The following KCNH5 variants were observed in gnomAD, a reference collection of about 807,000 sequenced individuals.
KCNH5 encodes potassium voltage-gated channel subfamily H member 5.
A neutral mutation model predicts 96.1 loss-of-function variants in KCNH5; 46 were observed. The observed-to-expected ratio is 0.48, with a 90% CI of 0.38 to 0.61. The LOEUF is 0.61. KCNH5 is among the 20% of genes least tolerant of loss of function. KCNH5 has a pLI of 0.00. For missense variants in KCNH5, 907 were observed against 1,225.8 expected (o/e 0.74, Z 3.88); for synonymous variants, 439 against 449.8 (o/e 0.98, Z 0.30).
chr14:63,032,153 C>T (rs769147336), intron 1 of KCNH5, among the ~76,000 whole-genome samples: 4 of 151,214 alleles, frequency 2.6e-5, no homozygotes, highest in South Asian at 2.1e-4. Context: ...AGATCCAGGA[C>T]GGCATGTGAA....
intron 7 of KCNH5, among the ~76,000 whole-genome samples, chr14:62,932,549 A>G (rs1318204262): frequency 6.6e-6 from 1 of 152,028 alleles, no homozygotes; most frequent in Non-Finnish European, 1.5e-5. Flanking sequence ...AAGAAAGGGA[A>G]AAAGATAAAA....
At chr14:62,957,441 C>T (rs1427104382) in intron 6 of KCNH5, among the ~76,000 whole-genome samples, 1 of 152,218 alleles carries the variant, frequency 6.6e-6, no homozygotes, top group East Asian at 1.9e-4. Flanking sequence ...TTTGCACCTA[C>T]ACTTTGCATT....
intron 8 of KCNH5, among the ~76,000 whole-genome samples, chr14:62,827,157 A>C (rs1207500026): frequency 6.6e-6 from 1 of 152,242 alleles, no homozygotes; most frequent in Admixed American, 6.5e-5. Context: ...GTAATAAAGA[A>C]GACAGGTGTA....
chr14:62,884,534 G>A (rs1888557656), intron 7 of KCNH5, among the ~76,000 whole-genome samples: 1 of 152,174 alleles, frequency 6.6e-6, no homozygotes, highest in South Asian at 2.1e-4. Flanking sequence ...GCTGAGGCAG[G>A]AGAATTGCTT....
rs185794850 is a variant in KCNH5 at position 62,964,348 on chromosome 14, C to T, written c.943-13789G>A. ...CTAAAAAGAAATCCTAACCTAACAG[C>T]GGCATTTAGCCCATTACATGCTTTC... is the stretch of plus-strand genomic sequence containing the variant. On this transcript the variant is annotated intron_variant, in intron 6 of 10. Transcript: ENST00000322893. Among the ~76,000 whole-genome samples the T allele has an allele frequency of 2.3e-3, 353 of 152,192 alleles. 3 individuals are homozygous for T. Among genetic ancestry groups the T allele is most frequent in the African/African-American group, 7.2e-3 (299 of 41,532 alleles).
intron 7 of KCNH5, among the ~76,000 whole-genome samples, chr14:62,876,767 A>T (rs1888381870): frequency 6.6e-6 from 1 of 152,226 alleles, no homozygotes; most frequent in South Asian, 2.1e-4. Context: ...CCAGAAATAG[A>T]AGCACACCTG....
intron 10 of KCNH5, among the ~76,000 whole-genome samples, chr14:62,773,582 C>T (rs1485916441): frequency 6.6e-6 from 1 of 152,140 alleles, no homozygotes; most frequent in Admixed American, 6.5e-5. Flanking sequence ...ACTTTCTGTG[C>T]CACACTTCAA....
In KCNH5 at chr14:62,802,634, C is replaced by A. The variant is rs1047899640; in HGVS notation, c.1570-53G>T. On this transcript the variant is annotated intron_variant, in intron 8 of 10. Transcript: ENST00000322893. ...AAAAGGAAAGAGGAAGGGGCCACTTCAGAAAAACAATCATCCAACAAATAT... is the reference window on the plus strand; with the variant it reads ...AAAAGGAAAGAGGAAGGGGCCACTTAAGAAAAACAATCATCCAACAAATAT... 2.5e-6 allele frequency: 4 copies of A among 1,583,306 alleles called. No individual in the cohort carries two copies. The African/African-American group carries it at 4.0e-5, about 16-fold the overall frequency.
intron 8 of KCNH5, among the ~76,000 whole-genome samples, chr14:62,849,297 G>GA (rs1360177592): frequency 6.6e-6 from 1 of 152,136 alleles, no homozygotes; most frequent in African/African-American, 2.4e-5. Context: ...AAGGCAAAGG[G>GA]AAAATCAAGA....
chr14:62,762,939 T>C (rs976348969), intron 10 of KCNH5, among the ~76,000 whole-genome samples: 1 of 152,110 alleles, frequency 6.6e-6, no homozygotes, highest in South Asian at 2.1e-4. Flanking sequence ...CACCCTATAA[T>C]AATGGGAGAC....
At chr14:62,881,887 A>C (rs900764478) in intron 7 of KCNH5, among the ~76,000 whole-genome samples, 14 of 152,090 alleles carry the variant, frequency 9.2e-5, no homozygotes, top group African/African-American at 2.9e-4. Flanking sequence ...CTGTCTCCTA[A>C]AATAACTTTG....
At chr14:62,717,644 T>C (rs534150620) in intron 10 of KCNH5, among the ~76,000 whole-genome samples, 4 of 152,332 alleles carry the variant, frequency 2.6e-5, no homozygotes, top group East Asian at 3.9e-4. Flanking sequence ...ATTAAACTTA[T>C]AATGGATAAA....
intron 3 of KCNH5, among the ~76,000 whole-genome samples, chr14:63,003,472 T>TTA (rs1189701234): frequency 3.0e-5 from 4 of 132,092 alleles, no homozygotes; most frequent in Non-Finnish European, 6.2e-5. Flanking sequence ...TTTATATATA[T>TTA]TATATATATT....
chr14:62,705,297 CTAAAGT>C lies in KCNH5; in HGVS notation c.*2205_*2210del, dbSNP rs1354581888. 2.0e-5 allele frequency: 3 copies of C among 151,948 alleles called. No homozygotes were observed. Among genetic ancestry groups the C allele is most frequent in the Non-Finnish European group, 4.4e-5 (3 of 67,854 alleles). The allele number at this position is 151,948 out of a possible 1,614,324, so 9.4% of individuals were successfully genotyped here. ...CCAATAGTTAGTTTTGAAGCACTGGCTAAAGTTAAACTAACAACTTCTATAATCAGA... is the reference window on the plus strand; with the variant it reads ...CCAATAGTTAGTTTTGAAGCACTGGCTAAACTAACAACTTCTATAATCAGA... On this transcript the variant is annotated 3_prime_UTR_variant, in exon 11 of 11. Coordinates refer to ENST00000322893, the MANE Select transcript of KCNH5 (RefSeq NM_139318.5).
At chr14:62,832,062 A>G (rs138819310) in intron 8 of KCNH5, among the ~76,000 whole-genome samples, 1 of 152,322 alleles carries the variant, frequency 6.6e-6, no homozygotes, top group African/African-American at 2.4e-5. Context: ...TTTACCATTT[A>G]GCCCACTTGT....
chr14:62,933,743 G>A (rs1396899850), intron 7 of KCNH5, among the ~76,000 whole-genome samples: 1 of 152,054 alleles, frequency 6.6e-6, no homozygotes, highest in Non-Finnish European at 1.5e-5. Flanking sequence ...GCGCTATTTG[G>A]TTCTTTAAAC....
chr14:63,003,549 AGTATATAT>A (rs1891061440), intron 3 of KCNH5, among the ~76,000 whole-genome samples: 1 of 108,204 alleles, frequency 9.2e-6, no homozygotes, highest in African/African-American at 3.9e-5. Flanking sequence ...TATTATATAT[AGTATATAT>A]TATATATATT....
chr14:62,912,117 T>C (rs981151989), intron 7 of KCNH5, among the ~76,000 whole-genome samples: 2 of 151,916 alleles, frequency 1.3e-5, no homozygotes, highest in Non-Finnish European at 2.9e-5. Context: ...TCAAGATTAT[T>C]TTTACCTAAG....
chr14:62,967,090 AG>A (rs1450643916), intron 6 of KCNH5, among the ~76,000 whole-genome samples: 18 of 152,188 alleles, frequency 1.2e-4, no homozygotes, highest in African/African-American at 4.1e-4. Context: ...ACAATGCCAC[AG>A]GCAGTTTCAG....
Sources: allele counts gnomAD v4.1 joint callset (sites outside exome capture counted in the v4.1 genomes callset), GRCh38; gene constraint gnomAD v4.1.1; transcripts MANE v1.5; gene names NCBI Gene and HGNC (gene_info 2026-07-23, HGNC 2026-07-21).